The following TFDP1 variants were observed in gnomAD, a reference collection of about 807,000 sequenced individuals.
TFDP1 encodes DRTF1-polypeptide 1.
A neutral mutation model predicts 48.0 loss-of-function variants in TFDP1; 6 were observed. The observed-to-expected ratio is 0.13, with a 90% CI of 0.07 to 0.25. The LOEUF (loss-of-function observed/expected upper bound fraction) is 0.25. TFDP1 is among the 10% of genes least tolerant of loss of function. TFDP1 has a pLI of 1.00. For missense variants in TFDP1, 335 were observed against 543.0 expected (o/e 0.62, Z 3.81); for synonymous variants, 201 against 211.6 (o/e 0.95, Z 0.44).
intron 2 of TFDP1, among the ~76,000 whole-genome samples, chr13:113,600,575 A>G (rs1252606557): frequency 7.0e-6 from 1 of 143,740 alleles, no homozygotes; most frequent in African/African-American, 2.6e-5. Flanking sequence ...CAGGACTGCA[A>G]GAGAGAACCC....
rs1208977841 is a variant in TFDP1 at position 113,602,706 on chromosome 13, C to T, written c.13-8290C>T. Among the ~76,000 whole-genome samples, 4 of 152,258 alleles carry T rather than the reference C, an allele frequency of 2.6e-5. No homozygotes were observed. In the East Asian group the frequency reaches 7.7e-4, roughly 29 times the overall value. On this transcript the variant is annotated intron_variant, in intron 2 of 11. Coordinates refer to ENST00000375370, the MANE Select transcript of TFDP1 (RefSeq NM_007111.5). ...GTGGCTGTGACAGAGACTGGGTGAC[C>T]CTCAAGCCTGAATCATTTGCAGGGT... is the stretch of plus-strand genomic sequence containing the variant.
intron 5 of TFDP1, chr13:113,631,956 C>G: frequency 1.7e-6 from 1 of 599,594 alleles, no homozygotes; most frequent in Non-Finnish European, 2.8e-6. Context: ...GGGCTGGGCA[C>G]CGCCCACCCC....
At position 113,607,642 on chromosome 13, in the gene TFDP1, C is replaced by T. The variant is rs1181271808; in HGVS notation, c.13-3354C>T. Among the ~76,000 whole-genome samples the T allele has an allele frequency of 2.0e-5, 3 of 152,200 alleles. No individual in the cohort carries two copies. Among genetic ancestry groups the T allele is most frequent in the Admixed American group, 1.3e-4 (2 of 15,290 alleles). ...GGCGGAGAAAGACCGGCCCCTTCAC[C>T]CCACCTTAGACTTCCTGGAAGGGCC... is the stretch of plus-strand genomic sequence containing the variant. On this transcript the variant is annotated intron_variant, in intron 2 of 11. Transcript: ENST00000375370. This position sits in a 1 kb window ranked among gnomAD's most constrained non-coding sequence, Gnocchi z 5.2.
chr13:113,613,629 G>GTA (rs1439680503), intron 3 of TFDP1, among the ~76,000 whole-genome samples: 1 of 147,552 alleles, frequency 6.8e-6, no homozygotes. Context: ...TGTGAGGAGT[G>GTA]TGTGTGCATG....
chr13:113,586,123 G>A, intron 2 of TFDP1: 1 of 352,288 alleles, frequency 2.8e-6, no homozygotes, highest in Non-Finnish European at 5.1e-6. Context: ...TTTACCGACT[G>A]TGTTAATTGA....
Position 113,634,572 on chromosome 13 carries a change from A to G in TFDP1, c.657A>G (p.Lys219=), listed in dbSNP as rs748228710. The G allele has an allele frequency of 6.2e-7, 1 of 1,613,418 alleles. No individual in the cohort carries two copies. Among genetic ancestry groups the G allele is most frequent in the Admixed American group, 1.7e-5 (1 of 59,886 alleles). Residue 219 remains lysine, a synonymous_variant, in exon 8 of 12, where the codon AAA becomes AAG. Coordinates refer to ENST00000375370, the MANE Select transcript of TFDP1 (RefSeq NM_007111.5). ...GGAGACTTGAAAGAATAAAACAGAAACAGTCTCAACTTCAAGAACTTATTC... is the reference window on the plus strand; with the variant it reads ...GGAGACTTGAAAGAATAAAACAGAAGCAGTCTCAACTTCAAGAACTTATTC... The part of the protein sequence containing the change: ...RQRRLERIKQ[K]QSQLQELILQ...
chr13:113,633,482 G>A lies in TFDP1; in HGVS notation c.474+197G>A, dbSNP rs1451690851. Among the ~76,000 whole-genome samples the A allele has an allele frequency of 6.6e-6, 1 of 152,118 alleles. No homozygotes were observed. Among genetic ancestry groups the A allele is most frequent in the Non-Finnish European group, 1.5e-5 (1 of 68,034 alleles). On this transcript the variant is annotated intron_variant, in intron 6 of 11. Coordinates refer to ENST00000375370, the MANE Select transcript of TFDP1 (RefSeq NM_007111.5). This position sits in a 1 kb window ranked among gnomAD's most constrained non-coding sequence, Gnocchi z 4.5. ...GTGGCGGAGCCCAGCGGTGTGGTAC[G>A]TTTCGCTCTTTTAATATCGGGAACA...
At chr13:113,596,052 C>A (rs139396976) in intron 2 of TFDP1, among the ~76,000 whole-genome samples, 265 of 152,120 alleles carry the variant, frequency 1.7e-3, no homozygotes, top group African/African-American at 5.4e-3. Context: ...GCTGCACTCC[C>A]GCCTGGGCGA....
chr13:113,628,506 G>A (rs1180764051), intron 4 of TFDP1, among the ~76,000 whole-genome samples: 5 of 152,208 alleles, frequency 3.3e-5, no homozygotes, highest in African/African-American at 7.2e-5. Context: ...TTAAATCTAA[G>A]GGGTGGGTGT....
chr13:113,616,506 T>C lies in TFDP1; in HGVS notation c.79+5444T>C, dbSNP rs77000807. ...GCGCCAGGCCGGGTCCCTCGTTTGC[T>C]GCTCATCTGGGAGTGCCCAGCACAT... On this transcript the variant is annotated intron_variant, in intron 3 of 11. Coordinates refer to ENST00000375370, the MANE Select transcript of TFDP1 (RefSeq NM_007111.5). Among the ~76,000 whole-genome samples, 6 of 152,338 alleles carry C rather than the reference T, an allele frequency of 3.9e-5. No homozygotes were observed. In the East Asian group the frequency reaches 1.2e-3, roughly 29 times the overall value.
intron 2 of TFDP1, among the ~76,000 whole-genome samples, chr13:113,603,023 A>G (rs2140349219): frequency 6.6e-6 from 1 of 151,664 alleles, no homozygotes; most frequent in East Asian, 1.9e-4. Context: ...CTGCATGCAG[A>G]GGTGTCCTGG....
chr13:113,627,276 G>T lies in TFDP1; in HGVS notation c.186+3990G>T, dbSNP rs1360025048. Among the ~76,000 whole-genome samples the T allele has an allele frequency of 6.6e-6, 1 of 152,210 alleles. No homozygotes were observed. The highest frequency in any genetic ancestry group is 2.4e-5 in the African/African-American group (1 of 41,434). On this transcript the variant is annotated intron_variant, in intron 4 of 11. Transcript: ENST00000375370. This position sits in a 1 kb window ranked among gnomAD's most constrained non-coding sequence, Gnocchi z 4.1. ...AGGGTCTTTTGAGGTGCGGATGCTT[G>T]TGAAGCCTGTGGTGCTGCAGAGCTC...
chr13:113,588,623 T>C (rs2048062685), intron 2 of TFDP1, among the ~76,000 whole-genome samples: 1 of 152,154 alleles, frequency 6.6e-6, no homozygotes, highest in Admixed American at 6.6e-5. Flanking sequence ...AGAGGTACTC[T>C]GAAAAGTTTG....
chr13:113,597,536 G>A (rs2048315703), intron 2 of TFDP1, among the ~76,000 whole-genome samples: 1 of 152,238 alleles, frequency 6.6e-6, no homozygotes, highest in African/African-American at 2.4e-5. Context: ...ACCTCAGGTG[G>A]GGACTCCTGG....
At chr13:113,613,527 A>C (rs1371948849) in intron 3 of TFDP1, among the ~76,000 whole-genome samples, 1 of 151,998 alleles carries the variant, frequency 6.6e-6, no homozygotes, top group African/African-American at 2.4e-5. Context: ...ATATGTGTGC[A>C]TGAGTGTGTG....
intron 2 of TFDP1, among the ~76,000 whole-genome samples, chr13:113,602,547 G>T (rs937629458): frequency 5.9e-5 from 9 of 152,200 alleles, no homozygotes; most frequent in African/African-American, 2.2e-4. Flanking sequence ...TCTGCCCTGG[G>T]GTCTGGCGCA....
chr13:113,596,666 G>A lies in TFDP1; in HGVS notation c.12+10817G>A, dbSNP rs903784809. Among the ~76,000 whole-genome samples, 42 of 152,146 alleles carry A rather than the reference G, an allele frequency of 2.8e-4. 1 individual carries two copies. The highest frequency in any genetic ancestry group is 2.9e-5 in the Non-Finnish European group (2 of 68,022). On this transcript the variant is annotated intron_variant, in intron 2 of 11. Coordinates refer to ENST00000375370, the MANE Select transcript of TFDP1 (RefSeq NM_007111.5). ...CGGCTAGCCACGATGACTTTTGCCCGGACTTAACCTCTTTTTTCTCTAACA... is the reference window on the plus strand; with the variant it reads ...CGGCTAGCCACGATGACTTTTGCCCAGACTTAACCTCTTTTTTCTCTAACA...
At position 113,626,487 on chromosome 13, in the gene TFDP1, CCTTCCCCGCGTCCCA is replaced by C. The variant is rs1245497723; in HGVS notation, c.186+3208_186+3222del. ...GAGCAGGATTGCCTTCCCCGCGCTC[CCTTCCCCGCGTCCCA>C]CTTCCCTGCGCCCCGCTTCCCCGCA... On this transcript the variant is annotated intron_variant, in intron 4 of 11. Coordinates refer to ENST00000375370, the MANE Select transcript of TFDP1 (RefSeq NM_007111.5). Among the ~76,000 whole-genome samples the C allele has an allele frequency of 2.0e-5, 3 of 152,080 alleles. No homozygotes were observed. In the South Asian group the frequency reaches 6.2e-4, roughly 32 times the overall value.
At chr13:113,625,363 C>CT (rs2049121025) in intron 4 of TFDP1, among the ~76,000 whole-genome samples, 1 of 127,586 alleles carries the variant, frequency 7.8e-6, no homozygotes, top group Admixed American at 7.8e-5. Flanking sequence ...TCTCACGTGT[C>CT]CTCAGGCGTC....
Sources: allele counts gnomAD v4.1 joint callset (sites outside exome capture counted in the v4.1 genomes callset), GRCh38; gene constraint gnomAD v4.1.1; non-coding constraint Gnocchi (gnomAD v3.1); transcripts MANE v1.5; gene names NCBI Gene and HGNC (gene_info 2026-07-23, HGNC 2026-07-21).